CREB5: variants seen among roughly 807,000 people sequenced by gnomAD.
CREB5 encodes cyclic AMP-responsive element-binding protein 5.
Under a neutral mutation model 57.1 loss-of-function variants are expected in CREB5, and 19 were observed. That is an observed-to-expected ratio of 0.33 (90% CI 0.23 to 0.49). The LOEUF (loss-of-function observed/expected upper bound fraction) is 0.49, where lower values mean the gene tolerates loss of function less well. Among genes scored for constraint, CREB5 ranks in the 20% least tolerant of loss-of-function variants. The pLI, the probability that CREB5 is intolerant of heterozygous loss-of-function variation, is 0.99. For missense variants in CREB5, 579 were observed against 671.6 expected (o/e 0.86, Z 1.52); for synonymous variants, 238 against 238.3 (o/e 1.00, Z 0.01).
At chr7:28,756,650 G>T (rs1362542498) in intron 7 of CREB5, among the ~76,000 whole-genome samples, 1 of 151,894 alleles carries the variant, frequency 6.6e-6, no homozygotes, top group Non-Finnish European at 1.5e-5. Context: ...TCTTCCAGAA[G>T]TGTGAAGTGT....
At chr7:28,556,954 C>A (rs1794904681) in intron 4 of CREB5, among the ~76,000 whole-genome samples, 1 of 152,232 alleles carries the variant, frequency 6.6e-6, no homozygotes, top group Non-Finnish European at 1.5e-5. Flanking sequence ...CCTGGTCTTA[C>A]TGACTTCTCC....
intron 1 of CREB5, among the ~76,000 whole-genome samples, chr7:28,353,842 C>A (rs201398392): frequency 5.2e-4 from 71 of 137,522 alleles, no homozygotes; most frequent in African/African-American, 7.2e-4. Flanking sequence ...GACTCCATCT[C>A]AAAAAAAAAA....
chr7:28,511,638 C>A (rs547890700), intron 4 of CREB5, among the ~76,000 whole-genome samples: 3 of 152,306 alleles, frequency 2.0e-5, no homozygotes, highest in East Asian at 1.9e-4. Flanking sequence ...GTACCCACCA[C>A]CATGCCCGGC....
chr7:28,592,374 C>A (rs1247658641), intron 5 of CREB5, among the ~76,000 whole-genome samples: 1 of 152,204 alleles, frequency 6.6e-6, no homozygotes, highest in South Asian at 2.1e-4. Flanking sequence ...GAAAGAGAGA[C>A]CGGTATCTCC....
intron 1 of CREB5, among the ~76,000 whole-genome samples, chr7:28,303,317 C>T (rs971230218): frequency 2.0e-5 from 3 of 152,128 alleles, no homozygotes; most frequent in Non-Finnish European, 4.4e-5. Flanking sequence ...TGGGCCCTCA[C>T]TTAAATGTTG....
At chr7:28,421,892 A>G (rs36143886) in intron 1 of CREB5, among the ~76,000 whole-genome samples, 1 of 137,892 alleles carries the variant, frequency 7.3e-6, no homozygotes, top group Non-Finnish European at 1.6e-5. Context: ...TATATAAAAT[A>G]CCATATATAT....
intron 1 of CREB5, among the ~76,000 whole-genome samples, chr7:28,474,253 A>G (rs1347672238): frequency 6.6e-6 from 1 of 152,118 alleles, no homozygotes; most frequent in East Asian, 1.9e-4. Flanking sequence ...GGAAATCTGG[A>G]GAATAAGTGA....
intron 4 of CREB5, among the ~76,000 whole-genome samples, chr7:28,531,046 GT>G (rs1000705018): frequency 6.6e-6 from 1 of 151,128 alleles, no homozygotes; most frequent in African/African-American, 2.4e-5. Context: ...GTCAAATGTT[GT>G]TTTTTTTTCC....
Position 28,597,971 on chromosome 7 carries a change from C to A in CREB5, c.464+27434C>A, listed in dbSNP as rs146331569. On this transcript the variant is annotated intron_variant, in intron 5 of 10. Coordinates refer to ENST00000357727, the MANE Select transcript of CREB5 (RefSeq NM_182898.4). ...TATTTGGCAAGCTAATGTTGATTTC[C>A]CTCAAAAGGAAAAGGCAAGGAAGAG... Among the ~76,000 whole-genome samples the A allele has an allele frequency of 5.9e-3, 892 of 150,362 alleles. 7 individuals carry two copies. Among genetic ancestry groups the A allele is most frequent in the African/African-American group, 0.02 (831 of 40,828 alleles).
At position 28,307,329 on chromosome 7, in the gene CREB5, A is replaced by G. The variant is rs539476998; in HGVS notation, c.-25+7888A>G. ...AGCCTCATGAATGGATTAGTGTCTA[A>G]TAAAGGGGTTTGAGGGGGCAAGTTT... On this transcript the variant is annotated intron_variant, in intron 1 of 9. Coordinates refer to the CREB5 transcript ENST00000396299. Among the ~76,000 whole-genome samples, 8 of 152,344 alleles carry G rather than the reference A, an allele frequency of 5.3e-5. No individual in the cohort carries two copies. In the South Asian group the frequency reaches 1.7e-3, roughly 32 times the overall value.
At chr7:28,622,977 G>A (rs1797862136) in intron 5 of CREB5, among the ~76,000 whole-genome samples, 1 of 152,118 alleles carries the variant, frequency 6.6e-6, no homozygotes, top group Non-Finnish European at 1.5e-5. Context: ...CCGTCTCCCG[G>A]GTTCAAGGGA....
chr7:28,492,426 CA>C (rs1246685179), intron 2 of CREB5, among the ~76,000 whole-genome samples: 1 of 152,086 alleles, frequency 6.6e-6, no homozygotes, highest in African/African-American at 2.4e-5. Context: ...CTAAATGAAC[CA>C]CGTTCTGAAT....
At chr7:28,376,968 T>C (rs1047301181) in intron 1 of CREB5, among the ~76,000 whole-genome samples, 1 of 152,266 alleles carries the variant, frequency 6.6e-6, no homozygotes, top group Non-Finnish European at 1.5e-5. Flanking sequence ...CATACAATTA[T>C]AGGCTTAGAG....
chr7:28,752,377 G>A (rs1300988270), intron 7 of CREB5, among the ~76,000 whole-genome samples: 1 of 152,146 alleles, frequency 6.6e-6, no homozygotes, highest in Non-Finnish European at 1.5e-5. Context: ...ATGTTGGCCA[G>A]GCTGTTCTCA....
At chr7:28,781,495 A>G (rs1024465931) in intron 7 of CREB5, among the ~76,000 whole-genome samples, 5 of 152,242 alleles carry the variant, frequency 3.3e-5, no homozygotes, top group Non-Finnish European at 5.9e-5. Context: ...ACCTTCCAGA[A>G]GCAAACCCCA....
intron 4 of CREB5, among the ~76,000 whole-genome samples, chr7:28,521,056 C>G (rs1014645585): frequency 6.6e-6 from 1 of 152,106 alleles, no homozygotes; most frequent in African/African-American, 2.4e-5. Context: ...GGCAGTCTCT[C>G]CTTAAGAGGT....
Position 28,744,213 on chromosome 7 carries a change from G to T in CREB5, c.702+19881G>T, listed in dbSNP as rs573467989. ...TTTTATGGCTGCATAGTATTCCATG[G>T]TGTATATGTGCCACATTTTCTTAAT... On this transcript the variant is annotated intron_variant, in intron 7 of 10. Transcript: ENST00000357727. Among the ~76,000 whole-genome samples the T allele has an allele frequency of 3.3e-5, 5 of 150,844 alleles. No homozygotes were observed. In the East Asian group the frequency reaches 9.8e-4, roughly 30 times the overall value.
intron 1 of CREB5, among the ~76,000 whole-genome samples, chr7:28,399,799 T>A (rs899966039): frequency 1.1e-4 from 16 of 152,294 alleles, no homozygotes; most frequent in African/African-American, 3.8e-4. Flanking sequence ...CTCACGCCTG[T>A]AATCCCAGCA....
chr7:28,645,154 C>A (rs745317847), intron 5 of CREB5, among the ~76,000 whole-genome samples: 177 of 152,130 alleles, frequency 1.2e-3, no homozygotes, highest in Non-Finnish European at 1.8e-3. Context: ...AAGCCTAGAA[C>A]AACTTGAGGC....
Sources: allele counts gnomAD v4.1 joint callset (sites outside exome capture counted in the v4.1 genomes callset), GRCh38; gene constraint gnomAD v4.1.1; transcripts MANE v1.5; gene names NCBI Gene and HGNC (gene_info 2026-07-23, HGNC 2026-07-21).